Variants in GALNTL6 observed in about 807,000 individuals in gnomAD.
The protein encoded by GALNTL6 is polypeptide N-acetylgalactosaminyltransferase-like 6.
GALNTL6 carries 46 observed loss-of-function variants against 73.7 expected under a neutral mutation model. That is an observed-to-expected ratio of 0.62 (90% CI 0.49 to 0.80). GALNTL6 has a LOEUF of 0.80. GALNTL6 is among the 30% of genes least tolerant of loss of function. The probability of loss-of-function intolerance (pLI) is 0.00; values close to 1 mark genes in which losing one functional copy is unlikely to be tolerated. For synonymous variants in GALNTL6, 259 were observed against 263.7 expected, an observed-to-expected ratio of 0.98 and a Z score of 0.17; for missense variants, 604 against 755.0, an observed-to-expected ratio of 0.80 and a Z score of 2.34.
intron 10 of GALNTL6, among the ~76,000 whole-genome samples, chr4:172,966,775 T>C (rs916715344): frequency 6.6e-6 from 1 of 152,226 alleles, no homozygotes; most frequent in Non-Finnish European, 1.5e-5. Context: ...AGGCAACAGT[T>C]AAAGATGAGA....
intron 9 of GALNTL6, among the ~76,000 whole-genome samples, chr4:172,942,481 C>G (rs1269591342): frequency 6.6e-6 from 1 of 152,052 alleles, no homozygotes; most frequent in Non-Finnish European, 1.5e-5. Flanking sequence ...TGATAATCAT[C>G]TAGAAATAAG....
At chr4:172,485,816 A>T (rs1733644263) in intron 5 of GALNTL6, among the ~76,000 whole-genome samples, 2 of 152,274 alleles carry the variant, frequency 1.3e-5, no homozygotes, top group South Asian at 4.1e-4. Flanking sequence ...ATTTACTTTC[A>T]TGTGAGAAAT....
chr4:172,886,521 T>G (rs967883396), intron 8 of GALNTL6, among the ~76,000 whole-genome samples: 3 of 152,232 alleles, frequency 2.0e-5, no homozygotes, highest in Non-Finnish European at 4.4e-5. Flanking sequence ...ATCCCAGCAC[T>G]TTGGGAGGCC....
At chr4:172,476,926 T>C (rs1315217992) in intron 5 of GALNTL6, among the ~76,000 whole-genome samples, 1 of 117,528 alleles carries the variant, frequency 8.5e-6, no homozygotes, top group Non-Finnish European at 2.0e-5. Flanking sequence ...AAGAGACTTT[T>C]TTTTTTTTTT....
chr4:172,378,466 A>C (rs2111275546), intron 5 of GALNTL6, among the ~76,000 whole-genome samples: 1 of 152,304 alleles, frequency 6.6e-6, no homozygotes, highest in East Asian at 1.9e-4. Flanking sequence ...ATTCGATAAC[A>C]CTAATTGTGT....
intron 2 of GALNTL6, among the ~76,000 whole-genome samples, chr4:171,941,063 T>C (rs569346797): frequency 1.2e-4 from 18 of 152,186 alleles, no homozygotes; most frequent in African/African-American, 4.1e-4. Context: ...CACTTCAGGA[T>C]AAATTAGAAT....
intron 5 of GALNTL6, among the ~76,000 whole-genome samples, chr4:172,799,878 A>G (rs767296595): frequency 3.9e-5 from 6 of 152,214 alleles, no homozygotes; most frequent in Non-Finnish European, 7.3e-5. Flanking sequence ...ATGCCCACCA[A>G]CTGATGAATG....
At chr4:172,149,397 AC>A (rs756020054) in intron 2 of GALNTL6, among the ~76,000 whole-genome samples, 2 of 152,100 alleles carry the variant, frequency 1.3e-5, no homozygotes, top group Non-Finnish European at 2.9e-5. Flanking sequence ...GACCTATGGG[AC>A]ATATCTTGCA....
At chr4:172,905,487 T>A (rs539642322) in intron 8 of GALNTL6, among the ~76,000 whole-genome samples, 1 of 151,990 alleles carries the variant, frequency 6.6e-6, no homozygotes, top group Non-Finnish European at 1.5e-5. Context: ...AATCATTGAG[T>A]ACAGAGCATT....
chr4:171,967,749 T>A (rs1023052031), intron 2 of GALNTL6, among the ~76,000 whole-genome samples: 2 of 152,070 alleles, frequency 1.3e-5, no homozygotes, highest in Non-Finnish European at 2.9e-5. Context: ...CCTATTTGAA[T>A]TTTTTTCCCC....
intron 2 of GALNTL6, among the ~76,000 whole-genome samples, chr4:171,956,189 G>C (rs896083909): frequency 4.6e-5 from 7 of 152,046 alleles, no homozygotes; most frequent in Non-Finnish European, 1.5e-5. Flanking sequence ...ATTTTTTGTA[G>C]AGACAGCATT....
At chr4:172,135,628 C>T (rs1337996935) in intron 2 of GALNTL6, among the ~76,000 whole-genome samples, 2 of 152,000 alleles carry the variant, frequency 1.3e-5, no homozygotes, top group African/African-American at 2.4e-5. Context: ...TAATGCTTTC[C>T]GACATAGATT....
intron 3 of GALNTL6, among the ~76,000 whole-genome samples, chr4:172,304,668 T>TC (rs1266846417): frequency 6.6e-6 from 1 of 152,192 alleles, no homozygotes; most frequent in African/African-American, 2.4e-5. Context: ...AAAGTGTCAC[T>TC]AGCAGGGTTT....
intron 5 of GALNTL6, among the ~76,000 whole-genome samples, chr4:172,408,838 A>G (rs1744330275): frequency 6.6e-6 from 1 of 152,038 alleles, no homozygotes; most frequent in Non-Finnish European, 1.5e-5. Flanking sequence ...TAAGATTTAC[A>G]CCAACAGTTT....
intron 3 of GALNTL6, among the ~76,000 whole-genome samples, chr4:172,309,413 A>T (rs1355910369): frequency 1.9e-5 from 1 of 53,448 alleles, no homozygotes; most frequent in Non-Finnish European, 5.7e-5. Context: ...AAAGATTTTT[A>T]AAAAGTGTTT....
At chr4:172,974,266 G>A (rs192633910) in intron 10 of GALNTL6, among the ~76,000 whole-genome samples, 1 of 152,162 alleles carries the variant, frequency 6.6e-6, no homozygotes, top group Non-Finnish European at 1.5e-5. Context: ...AAAAACATGA[G>A]ACAAGATGCT....
intron 8 of GALNTL6, among the ~76,000 whole-genome samples, chr4:172,894,417 A>G (rs993538625): frequency 7.2e-5 from 11 of 152,094 alleles, no homozygotes; most frequent in African/African-American, 2.4e-4. Flanking sequence ...TGTTTCAAGA[A>G]ATACTTCAAT....
chr4:171,864,161 TAACA>T (rs1424074791), intron 2 of GALNTL6, among the ~76,000 whole-genome samples: 13 of 152,342 alleles, frequency 8.5e-5, no homozygotes, highest in African/African-American at 2.9e-4. Context: ...GTAAGTACTT[TAACA>T]TTCTCACTCT....
intron 5 of GALNTL6, among the ~76,000 whole-genome samples, chr4:172,426,062 T>C (rs1225509986): frequency 6.6e-6 from 1 of 152,064 alleles, no homozygotes; most frequent in East Asian, 1.9e-4. Context: ...TATCACATGG[T>C]GGCATGTGTT....
Sources: allele counts gnomAD v4.1 joint callset (sites outside exome capture counted in the v4.1 genomes callset), GRCh38; gene constraint gnomAD v4.1.1; transcripts MANE v1.5; gene names NCBI Gene and HGNC (gene_info 2026-07-23, HGNC 2026-07-21).